The following NTM variants were observed in gnomAD, a reference collection of about 807,000 sequenced individuals.
The protein encoded by NTM is IgLON family member 2.
In NTM, 13 loss-of-function variants were observed where a neutral mutation model predicts 42.1. That is an observed-to-expected ratio of 0.31 (90% CI 0.20 to 0.49). The LOEUF (loss-of-function observed/expected upper bound fraction) is 0.49. NTM is among the 20% of genes least tolerant of loss of function. The pLI is 0.99. For synonymous variants in NTM, 187 were observed against 179.2 expected (o/e 1.04, Z -0.35); for missense variants, 373 against 452.8 (o/e 0.82, Z 1.60).
At chr11:131,554,052 T>A (rs1343795718) in intron 1 of NTM, among the ~76,000 whole-genome samples, 2 of 152,216 alleles carry the variant, frequency 1.3e-5, no homozygotes, top group East Asian at 3.8e-4. Flanking sequence ...AATCTTCCTC[T>A]ACGAATGCTT....
intron 3 of NTM, among the ~76,000 whole-genome samples, chr11:132,205,081 G>A (rs1156690357): frequency 2.0e-5 from 3 of 152,190 alleles, no homozygotes; most frequent in Non-Finnish European, 4.4e-5. Context: ...CCCTAAAGAG[G>A]CCTTAGCAGT....
At chr11:132,029,141 C>G (rs2075595597) in intron 2 of NTM, among the ~76,000 whole-genome samples, 1 of 151,836 alleles carries the variant, frequency 6.6e-6, no homozygotes, top group African/African-American at 2.4e-5. Context: ...ATCCACCTGT[C>G]TTTTCCAATT....
At chr11:131,645,055 A>G (rs1353027467) in intron 1 of NTM, among the ~76,000 whole-genome samples, 7 of 152,160 alleles carry the variant, frequency 4.6e-5, no homozygotes, top group African/African-American at 1.7e-4. Context: ...ATAAAAATGT[A>G]CCACAGATTG....
At chr11:131,399,651 C>T (rs948496280) in intron 1 of NTM, among the ~76,000 whole-genome samples, 1 of 152,260 alleles carries the variant, frequency 6.6e-6, no homozygotes, top group South Asian at 2.1e-4. Context: ...TCAGTGTCCC[C>T]AGACATTTGA....
chr11:131,988,039 G>A (rs981762425), intron 2 of NTM, among the ~76,000 whole-genome samples: 1 of 152,232 alleles, frequency 6.6e-6, no homozygotes, highest in East Asian at 1.9e-4. Context: ...AGGCTGGGAA[G>A]TCCAATATCA....
chr11:132,237,323 C>T (rs2089190468), intron 4 of NTM, among the ~76,000 whole-genome samples: 1 of 152,134 alleles, frequency 6.6e-6, no homozygotes, highest in Admixed American at 6.5e-5. Context: ...AGGGCCTTTC[C>T]AGTGCCCTCA....
At chr11:131,659,288 G>A (rs867019556) in intron 1 of NTM, among the ~76,000 whole-genome samples, 1 of 152,194 alleles carries the variant, frequency 6.6e-6, no homozygotes, top group Non-Finnish European at 1.5e-5. Context: ...TTTACAGTTT[G>A]CAAAGCACAT....
At chr11:132,196,357 A>G (rs2080212091) in intron 3 of NTM, among the ~76,000 whole-genome samples, 1 of 152,198 alleles carries the variant, frequency 6.6e-6, no homozygotes, top group Admixed American at 6.5e-5. Context: ...TGGAATGTAA[A>G]TTAGTTCAGC....
At chr11:131,689,638 G>A (rs946801909) in intron 1 of NTM, among the ~76,000 whole-genome samples, 3 of 152,288 alleles carry the variant, frequency 2.0e-5, no homozygotes, top group African/African-American at 7.2e-5. Context: ...GGGGCTGGCT[G>A]GGCCTCAGCA....
chr11:131,888,434 C>A (rs75038630), intron 1 of NTM, among the ~76,000 whole-genome samples: 7,044 of 152,276 alleles, frequency 0.046, 221 homozygotes, highest in Non-Finnish European at 0.069. Flanking sequence ...TCTGCCAGCC[C>A]GGATCTCCTG....
chr11:131,444,040 G>A (rs183500617), intron 1 of NTM, among the ~76,000 whole-genome samples: 8 of 152,092 alleles, frequency 5.3e-5, no homozygotes, highest in Admixed American at 1.3e-4. Context: ...AAATGTTTGC[G>A]TTATTAAATT....
chr11:132,158,767 G>C (rs1448181742), intron 3 of NTM, among the ~76,000 whole-genome samples: 1 of 152,202 alleles, frequency 6.6e-6, no homozygotes, highest in Non-Finnish European at 1.5e-5. Context: ...GGTCCCTCTA[G>C]TCTCAGACCA....
intron 1 of NTM, among the ~76,000 whole-genome samples, chr11:131,410,839 C>T (rs903889089): frequency 6.6e-5 from 10 of 152,178 alleles, no homozygotes; most frequent in African/African-American, 1.9e-4. Context: ...TCCTACTGCT[C>T]GAGGGCATCA....
chr11:131,371,721 C>G (rs1033280734), intron 1 of NTM, among the ~76,000 whole-genome samples: 3 of 152,086 alleles, frequency 2.0e-5, no homozygotes, highest in African/African-American at 7.2e-5. Flanking sequence ...CACACCCCAT[C>G]CCGGCTCTCA....
At chr11:131,822,028 G>C (rs184060875) in intron 1 of NTM, among the ~76,000 whole-genome samples, 1 of 152,282 alleles carries the variant, frequency 6.6e-6, no homozygotes, top group Admixed American at 6.5e-5. Context: ...AAAAGCTCAG[G>C]AAAGTCGAAA....
chr11:131,843,044 G>A (rs116756676), intron 1 of NTM, among the ~76,000 whole-genome samples: 2,293 of 151,764 alleles, frequency 0.015, 66 homozygotes, highest in African/African-American at 0.053. Flanking sequence ...AATATAAAAT[G>A]AAAAGCAAAA....
At chr11:131,913,512 C>T (rs111333792) in intron 2 of NTM, among the ~76,000 whole-genome samples, 1,855 of 152,270 alleles carry the variant, frequency 0.012, 35 homozygotes, top group African/African-American at 0.041. Flanking sequence ...GGCTGAATCA[C>T]GGGACAGGCC....
At chr11:132,309,019 T>C (rs1297612714) in intron 5 of NTM, among the ~76,000 whole-genome samples, 6 of 152,208 alleles carry the variant, frequency 3.9e-5, no homozygotes, top group Non-Finnish European at 8.8e-5. Context: ...TTAAGATTTA[T>C]GTTGTCCATA....
intron 1 of NTM, among the ~76,000 whole-genome samples, chr11:131,868,133 T>C (rs1355481970): frequency 6.6e-6 from 1 of 152,170 alleles, no homozygotes; most frequent in Non-Finnish European, 1.5e-5. Flanking sequence ...TGTAGCCAGT[T>C]TAGAATTAGA....
Sources: allele counts gnomAD v4.1 joint callset (sites outside exome capture counted in the v4.1 genomes callset), GRCh38; gene constraint gnomAD v4.1.1; transcripts MANE v1.5; gene names NCBI Gene and HGNC (gene_info 2026-07-23, HGNC 2026-07-21).